Variants in ZFHX3 observed in about 807,000 individuals in gnomAD.
The protein encoded by ZFHX3 is zinc finger homeobox protein 3.
In ZFHX3, 42 loss-of-function variants were observed where a neutral mutation model predicts 279.1. That is an observed-to-expected ratio of 0.15 (90% CI 0.12 to 0.19). ZFHX3 has a LOEUF of 0.19. Among genes scored for constraint, ZFHX3 ranks in the 10% least tolerant of loss-of-function variants. The pLI is 1.00. For missense variants in ZFHX3, 4,981 were observed against 4,754.0 expected, an observed-to-expected ratio of 1.05 and a Z score of -1.40; for synonymous variants, 2,293 against 1,957.8, an observed-to-expected ratio of 1.17 and a Z score of -4.52.
At chr16:73,410,904 G>A (rs752348680) in intron 3 of ZFHX3, among the ~76,000 whole-genome samples, 38 of 152,208 alleles carry the variant, frequency 2.5e-4, no homozygotes, top group Non-Finnish European at 4.6e-4. Flanking sequence ...AACTTGCCCA[G>A]GTTCACAGTG....
chr16:73,564,399 C>G (rs1448878049), intron 2 of ZFHX3, among the ~76,000 whole-genome samples: 2 of 152,222 alleles, frequency 1.3e-5, no homozygotes, highest in Non-Finnish European at 2.9e-5. Context: ...TGCTTCATCT[C>G]CATTATCCCT....
chr16:73,563,134 C>G (rs1415847625), intron 2 of ZFHX3, among the ~76,000 whole-genome samples: 1 of 150,878 alleles, frequency 6.6e-6, no homozygotes, highest in Non-Finnish European at 1.5e-5. Flanking sequence ...TGGGCAGCCT[C>G]TGAAAGTGCA....
chr16:73,014,515 C>CTTTTT (rs1567633191), intron 1 of ZFHX3: 4 of 95,344 alleles, frequency 4.2e-5, no homozygotes, highest in African/African-American at 7.8e-5. Flanking sequence ...GTAATTTCTT[C>CTTTTT]TTCTTTTTTT....
intron 4 of ZFHX3, among the ~76,000 whole-genome samples, chr16:73,280,946 T>C (rs535623335): frequency 2.0e-5 from 3 of 148,560 alleles, no homozygotes; most frequent in Non-Finnish European, 3.0e-5. Context: ...GATTGCGCCA[T>C]TGCACTCCAG....
chr16:73,439,532 A>G (rs1254832644), intron 3 of ZFHX3, among the ~76,000 whole-genome samples: 1 of 151,116 alleles, frequency 6.6e-6, no homozygotes, highest in African/African-American at 2.4e-5. Flanking sequence ...TGAGCTGCTT[A>G]CCGATGCTAC....
chr16:73,788,972 G>A (rs774965991), intron 1 of ZFHX3, among the ~76,000 whole-genome samples: 7 of 150,896 alleles, frequency 4.6e-5, no homozygotes, highest in African/African-American at 7.3e-5. Context: ...TAATAGTAGC[G>A]GTAAAAATAA....
intron 1 of ZFHX3, among the ~76,000 whole-genome samples, chr16:73,027,498 T>G (rs12597694): frequency 0.56 from 85,893 of 152,074 alleles, 25,472 homozygotes; most frequent in East Asian, 0.93. Flanking sequence ...TATGGGAATT[T>G]TTGCACAAAA....
chr16:73,120,241 A>C (rs555762735), intron 7 of ZFHX3, among the ~76,000 whole-genome samples: 2 of 152,038 alleles, frequency 1.3e-5, no homozygotes, highest in East Asian at 3.9e-4. Flanking sequence ...AGAGTTCCAC[A>C]TTCCATACTA....
chr16:73,719,240 A>G (rs1392979418), intron 1 of ZFHX3, among the ~76,000 whole-genome samples: 2 of 152,206 alleles, frequency 1.3e-5, no homozygotes, highest in Admixed American at 6.5e-5. Flanking sequence ...AAGGTGAACC[A>G]TAGTAAGAAT....
intron 3 of ZFHX3, among the ~76,000 whole-genome samples, chr16:73,442,476 TA>T (rs144711137): frequency 5.3e-5 from 8 of 151,106 alleles, no homozygotes; most frequent in East Asian, 2.0e-4. Flanking sequence ...TTTTTTAAAT[TA>T]AAAAAAAATG....
intron 2 of ZFHX3, among the ~76,000 whole-genome samples, chr16:73,611,199 T>C (rs1269212820): frequency 6.6e-6 from 1 of 152,218 alleles, no homozygotes; most frequent in Admixed American, 6.6e-5. Flanking sequence ...TCCCGGGTTC[T>C]TCTCAGATAG....
intron 4 of ZFHX3, among the ~76,000 whole-genome samples, chr16:72,841,014 G>A (rs2037332074): frequency 6.6e-6 from 1 of 152,148 alleles, no homozygotes; most frequent in African/African-American, 2.4e-5. Context: ...CGTATTTACA[G>A]GTTGCACATT....
Position 73,563,972 on chromosome 16 carries a change from A to G in ZFHX3, c.-1546-107714T>C, listed in dbSNP as rs185786928. Among the ~76,000 whole-genome samples, 6 of 152,354 alleles carry G rather than the reference A, an allele frequency of 3.9e-5. No individual in the cohort carries two copies. The East Asian group carries it at 1.2e-3, about 29-fold the overall frequency. ...CAAAGCATTTCTTTAAAATTTCTTC[A>G]TAAAAAAGAAGCAAGTGAATGAGTT... On this transcript the variant is annotated intron_variant, in intron 2 of 17. Coordinates refer to the ZFHX3 transcript ENST00000641206.
intron 5 of ZFHX3, among the ~76,000 whole-genome samples, chr16:73,169,722 T>TA (rs1967474361): frequency 6.6e-6 from 1 of 150,948 alleles, no homozygotes; most frequent in Non-Finnish European, 1.5e-5. Context: ...AGAAGTGAAA[T>TA]ATTTCAGTAA....
intron 3 of ZFHX3, among the ~76,000 whole-genome samples, chr16:73,412,861 C>T (rs1201345791): frequency 6.6e-6 from 1 of 152,144 alleles, no homozygotes; most frequent in Non-Finnish European, 1.5e-5. Flanking sequence ...TTATTTGCAA[C>T]GTGTTTTCTT....
At chr16:73,316,672 G>C (rs2143182901) in intron 4 of ZFHX3, among the ~76,000 whole-genome samples, 1 of 152,174 alleles carries the variant, frequency 6.6e-6, no homozygotes, top group East Asian at 1.9e-4. Context: ...GTACTTTGGT[G>C]ACCTCAGCAA....
At chr16:73,505,125 G>A (rs2019303174) in intron 2 of ZFHX3, among the ~76,000 whole-genome samples, 1 of 152,046 alleles carries the variant, frequency 6.6e-6, no homozygotes, top group African/African-American at 2.4e-5. Flanking sequence ...CATATCTGCT[G>A]ACCCTATTGC....
At chr16:73,807,072 G>A (rs1276747823) in intron 1 of ZFHX3, among the ~76,000 whole-genome samples, 1 of 152,180 alleles carries the variant, frequency 6.6e-6, no homozygotes, top group Non-Finnish European at 1.5e-5. Flanking sequence ...GTTTTAGTGG[G>A]TACAAAGAAG....
intron 3 of ZFHX3, among the ~76,000 whole-genome samples, chr16:73,378,236 T>C (rs979758797): frequency 6.6e-6 from 1 of 152,010 alleles, no homozygotes; most frequent in Non-Finnish European, 1.5e-5. Flanking sequence ...CTCTGACAAC[T>C]TGGAATATCA....
Sources: gnomAD v4.1 joint callset for allele counts (sites outside exome capture counted in the v4.1 genomes callset) on GRCh38, gnomAD v4.1.1 for gene constraint, MANE v1.5 for transcripts, NCBI Gene and HGNC (gene_info 2026-07-23, HGNC 2026-07-21) for gene names.